The following ADAMTSL1 variants were observed in gnomAD, a reference collection of about 807,000 sequenced individuals.
ADAMTSL1 encodes the protein ADAMTS-like protein 1.
In ADAMTSL1, 126 loss-of-function variants were observed where a neutral mutation model predicts 201.8. The observed-to-expected ratio is 0.62, with a 90% confidence interval of 0.54 to 0.72. The LOEUF (loss-of-function observed/expected upper bound fraction) is 0.72, where lower values mean the gene tolerates loss of function less well. Among genes scored for constraint, ADAMTSL1 ranks in the 30% least tolerant of loss-of-function variants. The pLI, the probability that ADAMTSL1 is intolerant of heterozygous loss-of-function variation, is 0.00. For missense variants in ADAMTSL1, 2,679 were observed against 2,277.8 expected, an observed-to-expected ratio of 1.18 and a Z score of -3.59; for synonymous variants, 1,121 against 903.4, an observed-to-expected ratio of 1.24 and a Z score of -4.32.
chr9:18,620,944 T>G (rs1362430347), intron 4 of ADAMTSL1, among the ~76,000 whole-genome samples: 2 of 152,214 alleles, frequency 1.3e-5, no homozygotes, highest in Non-Finnish European at 2.9e-5. Context: ...ATAATTATGT[T>G]TTTAAACCTT....
rs1357652735 is a variant in ADAMTSL1, at chr9:17,911,806, G to C, written c.87+4884G>C. Among the ~76,000 whole-genome samples, 3 of 62,226 alleles carry C rather than the reference G, an allele frequency of 4.8e-5. 1 individual carries two copies. Among genetic ancestry groups the C allele is most frequent in the African/African-American group, 9.5e-5 (3 of 31,468 alleles). The allele number at this position is 62,226 out of a possible 152,430, so 40.8% of individuals were successfully genotyped here. A position where few individuals can be genotyped will look rare whatever the true frequency, so the allele number is the denominator to read the frequency against. ...CCCATTAACTCGTTATTTAGCATTA[G>C]GTATATCTCCTAATGCTATCCCTTC... On this transcript the variant is annotated intron_variant, in intron 1 of 29. Coordinates refer to the ADAMTSL1 transcript ENST00000680146.
At chr9:18,451,485 A>T (rs1820403814) in intron 2 of ADAMTSL1, among the ~76,000 whole-genome samples, 1 of 152,252 alleles carries the variant, frequency 6.6e-6, no homozygotes, top group African/African-American at 2.4e-5. Flanking sequence ...GAATTGTGTT[A>T]CTGAAACCAT....
intron 1 of ADAMTSL1, among the ~76,000 whole-genome samples, chr9:18,481,176 A>G (rs899587551): frequency 2.6e-5 from 4 of 152,212 alleles, no homozygotes; most frequent in Non-Finnish European, 5.9e-5. Flanking sequence ...AAAGTAAACC[A>G]CACTTCTTGA....
At chr9:18,311,099 C>G (rs1456819331) in intron 2 of ADAMTSL1, among the ~76,000 whole-genome samples, 1 of 151,800 alleles carries the variant, frequency 6.6e-6, no homozygotes, top group Non-Finnish European at 1.5e-5. Context: ...CAAAGTAACA[C>G]AGGAACAGAA....
intron 3 of ADAMTSL1, among the ~76,000 whole-genome samples, chr9:18,555,487 T>A (rs1821050951): frequency 6.6e-6 from 1 of 152,038 alleles, no homozygotes. Context: ...TGGAAGGTCC[T>A]TAATTCATTC....
intron 1 of ADAMTSL1, among the ~76,000 whole-genome samples, chr9:17,997,346 A>T (rs1371971421): frequency 6.6e-6 from 1 of 152,100 alleles, no homozygotes. Flanking sequence ...TTATCTTGCC[A>T]AATAAAGAAT....
At chr9:18,597,523 C>T (rs1824347534) in intron 4 of ADAMTSL1, among the ~76,000 whole-genome samples, 2 of 152,106 alleles carry the variant, frequency 1.3e-5, no homozygotes. Flanking sequence ...AAACCTTGTC[C>T]TTGGCTTTTT....
chr9:18,872,892 T>C (rs1477448427), intron 23 of ADAMTSL1, among the ~76,000 whole-genome samples: 1 of 152,196 alleles, frequency 6.6e-6, no homozygotes, highest in African/African-American at 2.4e-5. Context: ...GTAGATCTAT[T>C]TTCAGTTCTT....
At chr9:18,319,682 C>G (rs924409257) in intron 2 of ADAMTSL1, among the ~76,000 whole-genome samples, 4 of 152,184 alleles carry the variant, frequency 2.6e-5, no homozygotes, top group African/African-American at 9.6e-5. Flanking sequence ...AGATCCATAT[C>G]TATAGATTTC....
chr9:18,799,876 A>C (rs768435784), intron 20 of ADAMTSL1, among the ~76,000 whole-genome samples: 8 of 152,236 alleles, frequency 5.3e-5, no homozygotes, highest in Non-Finnish European at 1.2e-4. Context: ...GTCCCTCCCC[A>C]TCATGATTTA....
intron 1 of ADAMTSL1, among the ~76,000 whole-genome samples, chr9:18,000,760 G>A (rs1819578923): frequency 6.6e-6 from 1 of 152,096 alleles, no homozygotes; most frequent in Non-Finnish European, 1.5e-5. Context: ...CATAAAATGG[G>A]TAGAAAAGAT....
intron 2 of ADAMTSL1, among the ~76,000 whole-genome samples, chr9:18,350,158 T>A (rs1002139311): frequency 6.6e-6 from 1 of 151,964 alleles, no homozygotes; most frequent in Non-Finnish European, 1.5e-5. Flanking sequence ...TTTGTTTTGA[T>A]ACATCCCCAC....
chr9:17,933,963 A>G (rs1826902602), intron 1 of ADAMTSL1, among the ~76,000 whole-genome samples: 1 of 152,128 alleles, frequency 6.6e-6, no homozygotes, highest in South Asian at 2.1e-4. Context: ...GGTTCAAATC[A>G]CTTCTGTTTT....
At chr9:18,174,966 T>C (rs1828073509) in intron 2 of ADAMTSL1, among the ~76,000 whole-genome samples, 1 of 152,238 alleles carries the variant, frequency 6.6e-6, no homozygotes, top group Non-Finnish European at 1.5e-5. Flanking sequence ...AAAATGAATA[T>C]TAAAAGAATT....
intron 1 of ADAMTSL1, among the ~76,000 whole-genome samples, chr9:18,032,752 G>T (rs1010292710): frequency 2.6e-5 from 4 of 152,222 alleles, no homozygotes; most frequent in Non-Finnish European, 2.9e-5. Context: ...GCAAATGTCT[G>T]TGGGGGTTGT....
At chr9:18,904,418 G>A (rs35188448) in intron 26 of ADAMTSL1, among the ~76,000 whole-genome samples, 71,064 of 151,418 alleles carry the variant, frequency 0.47, 17,297 homozygotes, top group African/African-American at 0.59. Flanking sequence ...GCAGTAAGCC[G>A]AGATTGCACC....
chr9:18,338,690 C>G (rs749456468), intron 2 of ADAMTSL1, among the ~76,000 whole-genome samples: 16 of 152,094 alleles, frequency 1.1e-4, no homozygotes, highest in African/African-American at 2.4e-5. Context: ...ATGCATGCTG[C>G]AGGAGCTTGA....
chr9:18,426,679 G>A (rs973924432), intron 2 of ADAMTSL1, among the ~76,000 whole-genome samples: 2 of 151,842 alleles, frequency 1.3e-5, no homozygotes, highest in African/African-American at 2.4e-5. Context: ...CTCTGAGCCC[G>A]GGGGGTTGCA....
chr9:18,159,277 C>G (rs1479532488), intron 1 of ADAMTSL1, among the ~76,000 whole-genome samples: 3 of 151,992 alleles, frequency 2.0e-5, no homozygotes, highest in African/African-American at 4.8e-5. Flanking sequence ...GTTTTCAGCA[C>G]TACTCTTCCT....
Sources: gnomAD v4.1 joint callset for allele counts (sites outside exome capture counted in the v4.1 genomes callset) on GRCh38, gnomAD v4.1.1 for gene constraint, MANE v1.5 for transcripts, NCBI Gene and HGNC (gene_info 2026-07-23, HGNC 2026-07-21) for gene names.